The following PER3 variants were observed in gnomAD, a reference collection of about 807,000 sequenced individuals.
PER3 encodes the protein period circadian regulator 3, also known as period circadian protein homolog 3.
A neutral mutation model predicts 127.2 loss-of-function variants in PER3; 107 were observed. That is an observed-to-expected ratio of 0.84 (90% CI 0.72 to 0.99). The LOEUF is 0.99. Ranked by LOEUF, PER3 falls within the 50% of genes least tolerant of loss-of-function variation. The pLI, the probability that PER3 is intolerant of heterozygous loss-of-function variation, is 0.00. For synonymous variants in PER3, 618 were observed against 585.8 expected, an observed-to-expected ratio of 1.05 and a Z score of -0.79; for missense variants, 1,560 against 1,525.8, an observed-to-expected ratio of 1.02 and a Z score of -0.37.
chr1:7,794,083 TG>T lies in PER3; in HGVS notation c.644+76del, dbSNP rs1390394880. On this transcript the variant is annotated intron_variant, in intron 6 of 21. Coordinates refer to ENST00000377532, the MANE Select transcript of PER3 (RefSeq NM_001377275.1). ...TTTATTTTGCAGTTGGTTTGATTCTTGTGTATTCAGCTCACTTCTGTTGCGA... is the reference window on the plus strand; with the variant it reads ...TTTATTTTGCAGTTGGTTTGATTCTTTGTATTCAGCTCACTTCTGTTGCGA... 5 of 1,178,554 alleles carry T rather than the reference TG, an allele frequency of 4.2e-6. No homozygotes were observed. In the African/African-American group the frequency reaches 6.0e-5, roughly 14 times the overall value. The allele number at this position is 1,178,554 out of a possible 1,614,324, so 73.0% of individuals were successfully genotyped here. A position where few individuals can be genotyped will look rare whatever the true frequency, so the allele number is the denominator to read the frequency against.
intron 19 of PER3, among the ~76,000 whole-genome samples, chr1:7,835,248 A>G (rs1220331469): frequency 1.3e-5 from 2 of 152,196 alleles, no homozygotes; most frequent in Non-Finnish European, 2.9e-5. Context: ...ACCCTGTTAT[A>G]TGTGACTTTC....
At chr1:7,808,646 A>G (rs946969105) in intron 10 of PER3, among the ~76,000 whole-genome samples, 1 of 152,218 alleles carries the variant, frequency 6.6e-6, no homozygotes, top group African/African-American at 2.4e-5. Flanking sequence ...AGATTTGTAC[A>G]TATATAGCAC....
At chr1:7,817,631 A>G (rs2097257533) in intron 13 of PER3, among the ~76,000 whole-genome samples, 1 of 152,200 alleles carries the variant, frequency 6.6e-6, no homozygotes, top group South Asian at 2.1e-4. Context: ...GAAGGGAAGG[A>G]ACTCCATGGT....
rs1225201107 is a variant in PER3 at position 7,844,299 on chromosome 1, T to C, written c.*1544T>C. 4 of 159,568 alleles carry C rather than the reference T, an allele frequency of 2.5e-5. No individual in the cohort carries two copies. Among genetic ancestry groups the C allele is most frequent in the East Asian group, 1.8e-4 (1 of 5,476 alleles). The allele number at this position is 159,568 out of a possible 1,614,324, so 9.9% of individuals were successfully genotyped here. On this transcript the variant is annotated 3_prime_UTR_variant, in exon 22 of 22. Coordinates refer to ENST00000377532, the MANE Select transcript of PER3 (RefSeq NM_001377275.1). ...AATTTTCTGATATTAAGCAGTTCCA[T>C]GCAAATATTCGTGTTTTATAAATAG...
rs1180376022 is a variant in PER3 at position 7,830,141 on chromosome 1, G to A, written c.3194G>A (p.Arg1065Lys). Residue 1065 changes from arginine (R) to lysine (K), a missense_variant, in exon 19 of 22, where the codon AGA (arginine) becomes AAA (lysine). Around this residue, in one of 3 missense-constraint regions of PER3, gnomAD observed 199 missense variants for 198.6 expected, o/e 1.00. Transcript: ENST00000377532. ...TCACCTCCCAGCGAATCCCCATCCA[G>A]AACTGGTTCAGCAGCATCAGGTAGT... ...TGSPPSESPS[R>K]TGSAASGSSD... 1 of 1,614,054 alleles carries A rather than the reference G, an allele frequency of 6.2e-7. No homozygotes were observed. Among genetic ancestry groups the A allele is most frequent in the Admixed American group, 1.7e-5 (1 of 60,028 alleles).
intron 21 of PER3, among the ~76,000 whole-genome samples, chr1:7,837,526 A>C (rs1160592200): frequency 6.6e-6 from 1 of 152,204 alleles, no homozygotes; most frequent in Non-Finnish European, 1.5e-5. Context: ...AAAAGAGTTA[A>C]AAAAAGATGT....
rs555810524 is a variant in PER3, at chr1:7,785,059, A to G, written c.128+54A>G. 399 of 1,539,194 alleles carry G rather than the reference A, an allele frequency of 2.6e-4. 2 individuals carry two copies. The African/African-American group carries it at 5.3e-3, about 20-fold the overall frequency. On this transcript the variant is annotated intron_variant, in intron 2 of 21. Coordinates refer to ENST00000377532, the MANE Select transcript of PER3 (RefSeq NM_001377275.1). ...CCATGCGTTCGTTGTCCTTCCCTGG[A>G]GCAGGGAAAGGGGGACCTAAATCTT...
chr1:7,793,700 G>A (rs1431466375), intron 5 of PER3, among the ~76,000 whole-genome samples: 2 of 152,166 alleles, frequency 1.3e-5, no homozygotes, highest in African/African-American at 2.4e-5. Flanking sequence ...ACTATGAAAA[G>A]TAGTAAGGGG....
Position 7,803,734 on chromosome 1 carries a change from T to A in PER3, c.1022T>A (p.Ile341Asn). 6.2e-7 allele frequency: 1 copy of A among 1,609,684 alleles called. No homozygotes were observed. Among genetic ancestry groups the A allele is most frequent in the Non-Finnish European group, 8.5e-7 (1 of 1,176,004 alleles). The change falls in exon 10 of 22, where the codon ATT becomes AAT. Residue 341 changes from isoleucine to asparagine, a missense_variant. Ile to Asn is a moderately radical substitution (Grantham distance 149). This residue lies in a region of PER3 where 1,332 missense variants were observed against 1,223.6 expected (regional missense o/e 1.09). Coordinates refer to ENST00000377532, the MANE Select transcript of PER3 (RefSeq NM_001377275.1). ...CATCCTCCCTTTGAACATTCTCCCA[T>A]TCGATTTTGTACTCAAAACGGAGAC... ...AGHPPFEHSP[I>N]RFCTQNGDYI...
Position 7,843,841 on chromosome 1 carries a change from T to G in PER3, c.*1086T>G. On this transcript the variant is annotated 3_prime_UTR_variant, in exon 22 of 22. Coordinates refer to ENST00000377532, the MANE Select transcript of PER3 (RefSeq NM_001377275.1). ...CTATGGCGTTTGTAGTTGTGTCTTT[T>G]AAGAAGTGAGTGTGATTGTTTACTT... is the stretch of plus-strand genomic sequence containing the variant. 1 of 1,069,128 alleles carries G rather than the reference T, an allele frequency of 9.4e-7. No homozygotes were observed. Among genetic ancestry groups the G allele is most frequent in the Non-Finnish European group, 1.2e-6 (1 of 827,752 alleles). The allele number at this position is 1,069,128 out of a possible 1,614,324, so 66.2% of individuals were successfully genotyped here.
In PER3 at chr1:7,827,348, G is replaced by T; in HGVS notation, c.2419G>T (p.Val807Phe). Reference protein sequence around the residue: ...AMVPSQAPYLVPAFPLPAATS... With the variant: ...AMVPSQAPYLFPAFPLPAATS... ...GGTGCCCAGCCAGGCCCCTTACCTC[G>T]TCCCAGCTTTTCCCCTCCCAGCCGC... is the stretch of plus-strand genomic sequence containing the variant. The change falls in exon 18 of 22, where the codon GTC (valine) becomes TTC (phenylalanine). Residue 807 changes from valine to phenylalanine, a missense_variant. By Grantham distance (50) the Val-to-Phe change is conservative. This residue lies in a region of PER3 where 1,332 missense variants were observed against 1,223.6 expected (regional missense o/e 1.09). Transcript: ENST00000377532. 6.2e-7 allele frequency: 1 copy of T among 1,613,910 alleles called. No individual in the cohort carries two copies. The highest frequency in any genetic ancestry group is 8.5e-7 in the Non-Finnish European group (1 of 1,179,982).
In PER3 at chr1:7,827,425, G is replaced by T; in HGVS notation, c.2496G>T (p.Leu832=). The T allele has an allele frequency of 6.2e-7, 1 of 1,614,162 alleles. No homozygotes were observed. The highest frequency in any genetic ancestry group is 2.2e-5 in the East Asian group (1 of 44,880). Residue 832 remains leucine, a synonymous_variant, in exon 18 of 22, where the codon CTG becomes CTT. Transcript: ENST00000377532. ...CCCCCGGAACTGCACCGGAAGGCCT[G>T]CATGGGCTGCCCTTGTCCGAGGGCT... ...YAAPGTAPEG[L]HGLPLSEGLQ... is the part of the protein sequence containing the mutation.
Position 7,827,650 on chromosome 1 carries a change from C to T in PER3, c.2721C>T (p.Ser907=), listed in dbSNP as rs761062748. The part of the protein sequence containing the change: ...PTLDPPPSVT[S]QRREEEKWEA... ...TGGACCCACCCCCTTCAGTCACCAG[C>T]CAAAGGAGAGAGGAGGAAAAGTGGG... Residue 907 remains serine, a synonymous_variant, in exon 18 of 22, where the codon AGC becomes AGT. Coordinates refer to ENST00000377532, the MANE Select transcript of PER3 (RefSeq NM_001377275.1). 1.2e-6 allele frequency: 2 copies of T among 1,614,146 alleles called. No homozygotes were observed. Among genetic ancestry groups the T allele is most frequent in the Middle Eastern group, 1.6e-4 (1 of 6,062 alleles).
chr1:7,815,773 A>G (rs1397769596), intron 13 of PER3, among the ~76,000 whole-genome samples: 1 of 151,728 alleles, frequency 6.6e-6, no homozygotes, highest in Non-Finnish European at 1.5e-5. Flanking sequence ...ATCACAAGAT[A>G]AGGAGATCGA....
intron 8 of PER3, 143 bp downstream of exon 8, chr1:7,801,334 G>GT (rs2097169988): frequency 1.8e-6 from 1 of 557,504 alleles, no homozygotes; most frequent in East Asian, 3.2e-5. Context: ...ACATGGAAAT[G>GT]TATGTTGTCT....
At chr1:7,810,054 C>A (rs770633945) in intron 12 of PER3, 33 bp downstream of exon 12, 9 of 1,593,172 alleles carry the variant, frequency 5.6e-6, no homozygotes, top group Non-Finnish European at 7.7e-6. Flanking sequence ...CTTATACAGG[C>A]ATCGTGTTTT....
rs201721036 is a variant in PER3, at chr1:7,819,431, G to A, written c.1658+11G>A. On this transcript the variant is annotated intron_variant, in intron 14 of 21. Coordinates refer to ENST00000377532, the MANE Select transcript of PER3 (RefSeq NM_001377275.1). ...CGACAGTGTCATCAGGTATGAGACC[G>A]CAAGTTTGGATACCATGTAAGTCTG... 207 of 1,611,988 alleles carry A rather than the reference G, an allele frequency of 1.3e-4. 1 individual carries two copies. Among genetic ancestry groups the A allele is most frequent in the Middle Eastern group, 1.6e-4 (1 of 6,074 alleles).
chr1:7,820,118 C>A lies in PER3; in HGVS notation c.1662C>A (p.Tyr554Ter), dbSNP rs1401431109. 6.2e-7 allele frequency: 1 copy of A among 1,613,000 alleles called. No homozygotes were observed. The highest frequency in any genetic ancestry group is 1.3e-5 in the African/African-American group (1 of 74,846). ...QINCIDSVIR[Y>*]LKSYNIPALK... is the part of the protein sequence containing the mutation. ...TGGCCTAATTATGTTGTTACAGATACCTGAAGAGCTACAACATTCCAGCTT... is the reference window on the plus strand; with the variant it reads ...TGGCCTAATTATGTTGTTACAGATAACTGAAGAGCTACAACATTCCAGCTT... The change falls in exon 15 of 22, where the codon TAC becomes TAA. Residue 554 changes from tyrosine to a stop codon, truncating the protein, a stop_gained. Coordinates refer to ENST00000377532, the MANE Select transcript of PER3 (RefSeq NM_001377275.1). LOFTEE classifies it high-confidence loss of function.
At chr1:7,817,592 C>T (rs2097257358) in intron 13 of PER3, among the ~76,000 whole-genome samples, 1 of 152,186 alleles carries the variant, frequency 6.6e-6, no homozygotes, top group South Asian at 2.1e-4. Context: ...TGACCAGACT[C>T]CTCACTATCA....
Sources: allele counts gnomAD v4.1 joint callset (sites outside exome capture counted in the v4.1 genomes callset), GRCh38; gene constraint gnomAD v4.1.1; regional missense constraint gnomAD v4.1.1; transcripts MANE v1.5; gene names NCBI Gene and HGNC (gene_info 2026-07-23, HGNC 2026-07-21).